MKS1: variants seen among roughly 807,000 people sequenced by gnomAD.
MKS1 encodes the protein MKS transition zone complex subunit 1.
In MKS1, 70 loss-of-function variants were observed where a neutral mutation model predicts 83.7. The observed-to-expected ratio is 0.84, with a 90% confidence interval of 0.69 to 1.02. MKS1 has a LOEUF of 1.02. Ranked by LOEUF, MKS1 falls within the 50% of genes least tolerant of loss-of-function variation. The pLI is 0.00. For missense variants in MKS1, 681 were observed against 726.9 expected (o/e 0.94, Z 0.73); for synonymous variants, 251 against 273.4 (o/e 0.92, Z 0.81).
Position 58,219,213 on chromosome 17 carries a change from C to T in MKS1, c.18G>A (p.Trp6Ter), listed in dbSNP as rs980185244. Residue 6 changes from tryptophan to a stop codon, truncating the protein, a stop_gained, in exon 1 of 18, where the codon TGG (tryptophan) becomes TGA (stop). Coordinates refer to ENST00000393119, the MANE Select transcript of MKS1 (RefSeq NM_017777.4). LOFTEE classifies it high-confidence loss of function. ...ACACTGCCTCCCCGGTGTCAGTGCT[C>T]CAGACGGTCTCCGCCATGACAGCTG... MAETV[W>*]STDTGEAVYR... 2 of 1,550,940 alleles carry T rather than the reference C, an allele frequency of 1.3e-6. No individual in the cohort carries two copies. The highest frequency in any genetic ancestry group is 2.7e-5 in the African/African-American group (2 of 73,062).
At position 58,219,133 on chromosome 17, in the gene MKS1, C is replaced by T. The variant is rs775676586; in HGVS notation, c.80+18G>A. On this transcript the variant is annotated intron_variant, in intron 1 of 17. Transcript: ENST00000393119. ...GACACAAAAGCATGGGGCCTCGGGG[C>T]TGGGGCGGTGCGACTACCGGAGGCG... 1.3e-6 allele frequency: 2 copies of T among 1,550,742 alleles called. No homozygotes were observed. Among genetic ancestry groups the T allele is most frequent in the East Asian group, 2.4e-5 (1 of 40,916 alleles).
At chr17:58,208,650 GTTTCTTT>G (rs1047841826) in intron 11 of MKS1, 67 bp from the exon 12 acceptor site, 64 of 1,403,322 alleles carry the variant, frequency 4.6e-5, no homozygotes, top group Non-Finnish European at 6.4e-5. Flanking sequence ...GAAAAAGACA[GTTTCTTT>G]TTTCTTTTCT....
intron 6 of MKS1, 52 bp downstream of exon 6, chr17:58,214,207 T>C: frequency 6.2e-7 from 1 of 1,612,758 alleles, no homozygotes; most frequent in Non-Finnish European, 8.5e-7. Context: ...GGAGAGCTGG[T>C]GAGAGGAGAA....
Position 58,206,553 on chromosome 17 carries a change from G to T in MKS1, c.1408-6C>A. 6.2e-7 allele frequency: 1 copy of T among 1,607,790 alleles called. No homozygotes were observed. On this transcript the variant is annotated splice_region_variant and splice_polypyrimidine_tract_variant and intron_variant, in intron 15 of 17. Transcript: ENST00000393119. ...AAGCGGCTCAGGCGTTCCCCCTGTGGCATGCCATTGGGACAGCCTCAGGTT... is the reference window on the plus strand; with the variant it reads ...AAGCGGCTCAGGCGTTCCCCCTGTGTCATGCCATTGGGACAGCCTCAGGTT...
At chr17:58,217,493 G>A (rs1969287649) in intron 2 of MKS1, among the ~76,000 whole-genome samples, 1 of 152,188 alleles carries the variant, frequency 6.6e-6, no homozygotes, top group Non-Finnish European at 1.5e-5. Flanking sequence ...GGACAGTGAA[G>A]GCAAATAAAT....
chr17:58,218,401 T>C, intron 2 of MKS1: 1 of 390,676 alleles, frequency 2.6e-6, no homozygotes, highest in South Asian at 2.2e-5. Context: ...TGAGCGGAGA[T>C]AGCGACACTG....
chr17:58,216,383 A>G, intron 3 of MKS1, 140 bp from the exon 4 acceptor site: 1 of 999,810 alleles, frequency 1.0e-6, no homozygotes, highest in Non-Finnish European at 1.5e-6. Context: ...AAACTAATGA[A>G]TGGCAGGGGA....
intron 2 of MKS1, among the ~76,000 whole-genome samples, chr17:58,218,274 C>T (rs1598005037): frequency 6.6e-6 from 1 of 151,894 alleles, no homozygotes; most frequent in East Asian, 1.9e-4. Flanking sequence ...CGGTGAAACC[C>T]CGCCTCTACT....
At chr17:58,207,470 TCTC>T (rs1968591887) in intron 14 of MKS1, 1 of 581,392 alleles carries the variant, frequency 1.7e-6, no homozygotes, top group African/African-American at 1.9e-5. Flanking sequence ...TGAAGCTCAT[TCTC>T]CTCATCTAGT....
intron 5 of MKS1, 52 bp from the exon 6 acceptor site, chr17:58,214,439 C>G: frequency 1.2e-6 from 2 of 1,611,722 alleles, no homozygotes; most frequent in South Asian, 2.2e-5. Flanking sequence ...AATGGAGCAC[C>G]CCAGTGGAGA....
rs17174788 is a variant in MKS1, at chr17:58,205,607, G to A, written c.*472C>T. 2 of 1,305,988 alleles carry A rather than the reference G, an allele frequency of 1.5e-6. No individual in the cohort carries two copies. The highest frequency in any genetic ancestry group is 1.2e-5 in the South Asian group (1 of 81,046). The allele number at this position is 1,305,988 out of a possible 1,614,324, so 80.9% of individuals were successfully genotyped here. A position where few individuals can be genotyped will look rare whatever the true frequency, so the allele number is the denominator to read the frequency against. ...CTCAGCAAGCCCCAAGCAGTAGAAT[G>A]AGGCTTCCCTGGAAAGAGGCTGAGA... On this transcript the variant is annotated 3_prime_UTR_variant, in exon 18 of 18. Coordinates refer to ENST00000393119, the MANE Select transcript of MKS1 (RefSeq NM_017777.4).
rs201076918 is a variant in MKS1, at chr17:58,206,447, G to C, written c.1490+18C>G. 2 of 1,614,034 alleles carry C rather than the reference G, an allele frequency of 1.2e-6. No individual in the cohort carries two copies. The highest frequency in any genetic ancestry group is 2.7e-5 in the African/African-American group (2 of 74,942). On this transcript the variant is annotated intron_variant, in intron 16 of 17. Coordinates refer to ENST00000393119, the MANE Select transcript of MKS1 (RefSeq NM_017777.4). ...CTCAGGGCTAAGGTGCCCTGAGGCA[G>C]AGGGCCAAGTCACTCACCTGGACTG...
At position 58,218,535 on chromosome 17, in the gene MKS1, T is replaced by C. The variant is rs189426237; in HGVS notation, c.190+85A>G. 5.5e-4 allele frequency: 503 copies of C among 920,202 alleles called. 5 individuals carry two copies. In the East Asian group the frequency reaches 8.6e-3, roughly 16 times the overall value. 57.0% of individuals were successfully genotyped at this position (920,202 alleles called of 1,614,324 possible). On this transcript the variant is annotated intron_variant, in intron 2 of 17. Transcript: ENST00000393119. ...ACTCTATAACATATCAGAAGTATAG[T>C]ATTTGTTATCTCACTACATTTGGCC...
At position 58,205,815 on chromosome 17, in the gene MKS1, A is replaced by G. The variant is rs932817306; in HGVS notation, c.*264T>C. On this transcript the variant is annotated 3_prime_UTR_variant, in exon 18 of 18. Coordinates refer to ENST00000393119, the MANE Select transcript of MKS1 (RefSeq NM_017777.4). The stretch of plus-strand genomic sequence containing the variant: ...GGGTCACCCCAAACAGCTTCAGATC[A>G]AAAAGCCTGCCTTGCTGTGATGCCC... 26 of 1,439,568 alleles carry G rather than the reference A, an allele frequency of 1.8e-5. No individual in the cohort carries two copies. The African/African-American group carries it at 3.7e-4, about 21-fold the overall frequency. The allele number at this position is 1,439,568 out of a possible 1,614,324, so 89.2% of individuals were successfully genotyped here.
At chr17:58,207,324 C>A in intron 14 of MKS1, 106 bp from the exon 15 acceptor site, 1 of 1,498,518 alleles carries the variant, frequency 6.7e-7, no homozygotes, top group East Asian at 2.3e-5. Context: ...AACACCTGGT[C>A]TGGTGATGAC....
chr17:58,213,073 T>TC lies in MKS1; in HGVS notation c.766dup (p.Glu256GlyfsTer49), dbSNP rs751818062. On this transcript the variant is annotated frameshift_variant, in exon 8 of 18. Transcript: ENST00000393119. LOFTEE classifies it high-confidence loss of function. ...CGTATATTTCCACAGCTCCTGCTTC[T>TC]CCCCCTCCGTCTCAATCCTGTAAGG... 6.2e-7 allele frequency: 1 copy of TC among 1,613,938 alleles called. No individual in the cohort carries two copies. Among genetic ancestry groups the TC allele is most frequent in the Non-Finnish European group, 8.5e-7 (1 of 1,179,942 alleles).
At chr17:58,214,195 G>C (rs1005273404) in intron 6 of MKS1, 64 bp downstream of exon 6, 42 of 1,609,172 alleles carry the variant, frequency 2.6e-5, no homozygotes, top group Non-Finnish European at 3.5e-5. Context: ...ATAACAGGAA[G>C]GGGAGAGCTG....
chr17:58,206,272 AG>A lies in MKS1; in HGVS notation c.1588+10del, dbSNP rs758677316. 5 of 1,613,850 alleles carry A rather than the reference AG, an allele frequency of 3.1e-6. No homozygotes were observed. In the South Asian group the frequency reaches 4.4e-5, roughly 14 times the overall value. ...CTGACCTGGGGTGGCCAGCTGGGGGAGGGGACATACCTAGCACATTGTGAAT... is the reference window on the plus strand; with the variant it reads ...CTGACCTGGGGTGGCCAGCTGGGGGAGGGACATACCTAGCACATTGTGAAT... On this transcript the variant is annotated intron_variant, in intron 17 of 17. Coordinates refer to ENST00000393119, the MANE Select transcript of MKS1 (RefSeq NM_017777.4).
At chr17:58,211,721 C>G (rs954069802) in intron 9 of MKS1, among the ~76,000 whole-genome samples, 11 of 135,380 alleles carry the variant, frequency 8.1e-5, no homozygotes, top group African/African-American at 3.0e-4. Flanking sequence ...TATCACCATG[C>G]CTTGCTAATT....
Sources: allele counts gnomAD v4.1 joint callset (sites outside exome capture counted in the v4.1 genomes callset), GRCh38; gene constraint gnomAD v4.1.1; transcripts MANE v1.5; gene names NCBI Gene and HGNC (gene_info 2026-07-23, HGNC 2026-07-21).